MTA1: variants seen among roughly 807,000 people sequenced by gnomAD.
The protein encoded by MTA1 is metastasis associated 1, also known as metastasis-associated protein MTA1.
In MTA1, 15 loss-of-function variants were observed where a neutral mutation model predicts 97.0. That is an observed-to-expected ratio of 0.15 (90% CI 0.10 to 0.24). The LOEUF (loss-of-function observed/expected upper bound fraction) is 0.24. Ranked by LOEUF, MTA1 falls within the 10% of genes least tolerant of loss-of-function variation. The probability of loss-of-function intolerance (pLI) is 1.00; values close to 1 mark genes in which losing one functional copy is unlikely to be tolerated. For missense variants in MTA1, 709 were observed against 1,015.1 expected, an observed-to-expected ratio of 0.70 and a Z score of 4.10; for synonymous variants, 435 against 417.5, an observed-to-expected ratio of 1.04 and a Z score of -0.51.
Position 105,466,722 on chromosome 14 carries a change from G to C in MTA1, c.1793G>C (p.Arg598Pro). The part of the protein sequence containing the change: ...HNGVDGNMKK[R>P]LLMPSRGLAN... Reference sequence around the variant, plus strand: ...GCGCTGCCAGGCAACATGAAGAAGCGCCTCTTGATGCCCAGTAGGGGTAAG... The same window carrying C: ...GCGCTGCCAGGCAACATGAAGAAGCCCCTCTTGATGCCCAGTAGGGGTAAG... The change falls in exon 18 of 21, where the codon CGC becomes CCC. Residue 598 changes from arginine to proline, a missense_variant. Physicochemically the swap from Arg to Pro is moderately radical, Grantham distance 103. This residue lies in a region of MTA1 where 388 missense variants were observed against 421.6 expected (regional missense o/e 0.92). Coordinates refer to ENST00000331320, the MANE Select transcript of MTA1 (RefSeq NM_004689.4). The C allele has an allele frequency of 6.3e-7, 1 of 1,597,566 alleles. No homozygotes were observed. The highest frequency in any genetic ancestry group is 8.5e-7 in the Non-Finnish European group (1 of 1,173,704).
At chr14:105,429,033 A>G (rs2082093923) in intron 1 of MTA1, among the ~76,000 whole-genome samples, 1 of 152,102 alleles carries the variant, frequency 6.6e-6, no homozygotes, top group African/African-American at 2.4e-5. Flanking sequence ...CTCACCTTGC[A>G]CTTTTATGTG....
At chr14:105,467,269 T>C in intron 18 of MTA1, 1 of 381,574 alleles carries the variant, frequency 2.6e-6, no homozygotes, top group South Asian at 1.9e-5. Context: ...GAAGAGCAGA[T>C]AGGACCAAGC....
At chr14:105,426,477 C>T (rs782151221) in intron 1 of MTA1, among the ~76,000 whole-genome samples, 6 of 152,088 alleles carry the variant, frequency 3.9e-5, no homozygotes, top group Non-Finnish European at 5.9e-5. Flanking sequence ...CATCCCCTGC[C>T]TTCAGAGGAC....
chr14:105,455,143 T>G (rs963232406), intron 7 of MTA1, among the ~76,000 whole-genome samples: 2 of 152,160 alleles, frequency 1.3e-5, no homozygotes, highest in Non-Finnish European at 2.9e-5. Flanking sequence ...TGAACTCAAG[T>G]GATCTACCTG....
chr14:105,463,642 A>G lies in MTA1; in HGVS notation c.1076+91A>G, dbSNP rs781886068. On this transcript the variant is annotated intron_variant, in intron 12 of 20. Coordinates refer to ENST00000331320, the MANE Select transcript of MTA1 (RefSeq NM_004689.4). This position sits in a 1 kb window ranked among gnomAD's most constrained non-coding sequence, Gnocchi z 5.9. Reference sequence around the variant, plus strand: ...CTGGGGCCAGGCGGGTCCCAAGGAAACTCAAGCTCAGAGGCTGGGAAAGTT... The same window carrying G: ...CTGGGGCCAGGCGGGTCCCAAGGAAGCTCAAGCTCAGAGGCTGGGAAAGTT... 5 of 1,333,392 alleles carry G rather than the reference A, an allele frequency of 3.7e-6. No homozygotes were observed. The highest frequency in any genetic ancestry group is 5.3e-6 in the Non-Finnish European group (5 of 938,586). 82.6% of individuals were successfully genotyped at this position (1,333,392 alleles called of 1,614,324 possible). A position where few individuals can be genotyped will look rare whatever the true frequency, so the allele number is the denominator to read the frequency against.
At chr14:105,436,176 G>A (rs369311346) in intron 1 of MTA1, among the ~76,000 whole-genome samples, 136 of 152,324 alleles carry the variant, frequency 8.9e-4, no homozygotes, top group African/African-American at 3.2e-3. Context: ...GGTTGAGGCA[G>A]AAGAATCACT....
intron 2 of MTA1, among the ~76,000 whole-genome samples, chr14:105,441,459 C>CG (rs1334931191): frequency 1.2e-4 from 18 of 150,884 alleles, no homozygotes; most frequent in African/African-American, 2.2e-4. Context: ...TGGGGCGGGG[C>CG]GGGGGGGCTT....
At chr14:105,468,387 T>C in intron 18 of MTA1, 5 of 1,303,580 alleles carry the variant, frequency 3.8e-6, no homozygotes, top group Non-Finnish European at 5.1e-6. Context: ...CCCTGGGCGC[T>C]GGGCCTTGGC....
rs587719684 is a variant in MTA1, at chr14:105,423,448, C to T, written c.28+3385C>T. On this transcript the variant is annotated intron_variant, in intron 1 of 20. Coordinates refer to ENST00000331320, the MANE Select transcript of MTA1 (RefSeq NM_004689.4). ...GTCAGGCTGGTCTGGAACTCCTGAC[C>T]TCAAGTGATCCACCCGCTTCGGCCT... Among the ~76,000 whole-genome samples, 313 of 152,194 alleles carry T rather than the reference C, an allele frequency of 2.1e-3. 2 individuals are homozygous for T. Among genetic ancestry groups the T allele is most frequent in the African/African-American group, 7.2e-3 (300 of 41,522 alleles).
At position 105,460,935 on chromosome 14, in the gene MTA1, G is replaced by C. The variant is rs140464955; in HGVS notation, c.924G>C (p.Thr308=). 1.9e-3 allele frequency: 3,037 copies of C among 1,611,184 alleles called. 5 individuals carry two copies. Among genetic ancestry groups the C allele is most frequent in the Non-Finnish European group, 2.3e-3 (2,740 of 1,179,014 alleles). The change falls in exon 10 of 21, where the codon ACG becomes ACC. Residue 308 remains threonine (T), a synonymous_variant. Coordinates refer to ENST00000331320, the MANE Select transcript of MTA1 (RefSeq NM_004689.4). The part of the protein sequence containing the change: ...EALEKYGKDF[T]DIQQDFLPWK... ...TGGAAAAATATGGGAAGGATTTCACGGACATTCAGCAAGATTTTGTGAGTA... is the reference window on the plus strand; with the variant it reads ...TGGAAAAATATGGGAAGGATTTCACCGACATTCAGCAAGATTTTGTGAGTA...
chr14:105,433,543 G>A (rs903381097), intron 1 of MTA1, among the ~76,000 whole-genome samples: 15 of 152,246 alleles, frequency 9.9e-5, no homozygotes, highest in Admixed American at 8.5e-4. Context: ...GGAAGAATGC[G>A]GGCAATCCAA....
At position 105,463,083 on chromosome 14, in the gene MTA1, C is replaced by A; in HGVS notation, c.943-101C>A. 1 of 1,201,920 alleles carries A rather than the reference C, an allele frequency of 8.3e-7. No individual in the cohort carries two copies. Among genetic ancestry groups the A allele is most frequent in the Non-Finnish European group, 1.2e-6 (1 of 831,522 alleles). The allele number at this position is 1,201,920 out of a possible 1,614,324, so 74.5% of individuals were successfully genotyped here. A position where few individuals can be genotyped will look rare whatever the true frequency, so the allele number is the denominator to read the frequency against. ...AAGCACACCTCGCCCTCTGGCCTCC[C>A]GCCCCCTCTGTGGCCTTCTGGCCGC... On this transcript the variant is annotated intron_variant, in intron 10 of 20. Transcript: ENST00000331320. This position sits in a 1 kb window ranked among gnomAD's most constrained non-coding sequence, Gnocchi z 5.9.
Position 105,420,895 on chromosome 14 carries a change from CTG to C in MTA1, c.28+833_28+834del, listed in dbSNP as rs1555420724. Among the ~76,000 whole-genome samples the C allele has an allele frequency of 1.3e-5, 2 of 152,176 alleles. No individual in the cohort carries two copies. The highest frequency in any genetic ancestry group is 4.8e-5 in the African/African-American group (2 of 41,452). ...CATCAGCGCCTCCCTCCCCAGGACTCTGAGACCCCTCCCTGCCTGTGACCCTC... is the reference window on the plus strand; with the variant it reads ...CATCAGCGCCTCCCTCCCCAGGACTCAGACCCCTCCCTGCCTGTGACCCTC... On this transcript the variant is annotated intron_variant, in intron 1 of 20. Transcript: ENST00000331320. This position sits in a 1 kb window ranked among gnomAD's most constrained non-coding sequence, Gnocchi z 5.3.
chr14:105,420,169 G>C lies in MTA1; in HGVS notation c.28+106G>C. On this transcript the variant is annotated intron_variant, in intron 1 of 20. Coordinates refer to ENST00000331320, the MANE Select transcript of MTA1 (RefSeq NM_004689.4). This position sits in a 1 kb window ranked among gnomAD's most constrained non-coding sequence, Gnocchi z 5.3. ...CTGCCCCGCAGGCCCCGCGCCCCCC[G>C]CCCGCCCTCGCGGCCCCCGGCTCCT... is the stretch of plus-strand genomic sequence containing the variant. The C allele has an allele frequency of 1.9e-6, 1 of 523,076 alleles. No homozygotes were observed. Among genetic ancestry groups the C allele is most frequent in the Non-Finnish European group, 2.4e-6 (1 of 414,018 alleles). The allele number at this position is 523,076 out of a possible 1,614,324, so 32.4% of individuals were successfully genotyped here.
In MTA1 at chr14:105,465,405, T is replaced by G. The variant is rs189568128; in HGVS notation, c.1624+222T>G. ...CTCCTGGGGTCGTGATGGGGCCCAG[T>G]GCGGAGTAGCGGCCGCCCTGTCTTC... On this transcript the variant is annotated intron_variant, in intron 16 of 20. Coordinates refer to ENST00000331320, the MANE Select transcript of MTA1 (RefSeq NM_004689.4). 2.8e-4 allele frequency: 110 copies of G among 389,556 alleles called. 2 individuals are homozygous for G. The East Asian group carries it at 4.2e-3, about 15-fold the overall frequency. The allele number at this position is 389,556 out of a possible 1,614,324, so 24.1% of individuals were successfully genotyped here. A position where few individuals can be genotyped will look rare whatever the true frequency, so the allele number is the denominator to read the frequency against.
At chr14:105,454,071 A>G (rs1363774343) in intron 6 of MTA1, 122 bp from the exon 7 acceptor site, 2 of 684,974 alleles carry the variant, frequency 2.9e-6, no homozygotes, top group East Asian at 2.8e-5. Context: ...TCCTGCGCCC[A>G]TGTCGCCCCA....
intron 1 of MTA1, among the ~76,000 whole-genome samples, chr14:105,421,598 G>A (rs887777392): frequency 1.3e-4 from 20 of 152,164 alleles, no homozygotes; most frequent in African/African-American, 4.1e-4. Flanking sequence ...TGCATTGCTC[G>A]GCCTTCAGGC....
At chr14:105,444,102 G>A (rs1188169009) in intron 2 of MTA1, among the ~76,000 whole-genome samples, 4 of 151,208 alleles carry the variant, frequency 2.6e-5, no homozygotes, top group Non-Finnish European at 5.9e-5. Flanking sequence ...GGCCGGGTGC[G>A]GTGGCTCACG....
rs1197183624 is a variant in MTA1 at position 105,432,927 on chromosome 14, TC to T, written c.29-5743del. Among the ~76,000 whole-genome samples, 128 of 152,234 alleles carry T rather than the reference TC, an allele frequency of 8.4e-4. 1 individual carries two copies. Among genetic ancestry groups the T allele is most frequent in the African/African-American group, 3.0e-3 (123 of 41,552 alleles). ...CAAGGGAAACGTCGACATTTCAAAA[TC>T]CACTCAGCTGTGTGTTAGGGAGCTC... is the stretch of plus-strand genomic sequence containing the variant. On this transcript the variant is annotated intron_variant, in intron 1 of 20. Coordinates refer to ENST00000331320, the MANE Select transcript of MTA1 (RefSeq NM_004689.4).
Sources: gnomAD v4.1 joint callset for allele counts (sites outside exome capture counted in the v4.1 genomes callset) on GRCh38, gnomAD v4.1.1 for gene constraint, gnomAD v4.1.1 regional missense constraint, Gnocchi (gnomAD v3.1) non-coding constraint, MANE v1.5 for transcripts, NCBI Gene and HGNC (gene_info 2026-07-23, HGNC 2026-07-21) for gene names.